Variants in SLX4 observed in about 807,000 individuals in gnomAD.
SLX4 encodes SLX4 structure-specific endonuclease subunit, also known as structure-specific endonuclease subunit SLX4.
In SLX4, 112 loss-of-function variants were observed where a neutral mutation model predicts 146.2. The observed-to-expected ratio is 0.77, with a 90% CI of 0.66 to 0.90. The LOEUF (loss-of-function observed/expected upper bound fraction) is 0.90, where lower values mean the gene tolerates loss of function less well. SLX4 is among the 40% of genes least tolerant of loss of function. The probability of loss-of-function intolerance (pLI) is 0.00; values close to 1 mark genes in which losing one functional copy is unlikely to be tolerated. For synonymous variants in SLX4, 1,061 were observed against 997.7 expected (o/e 1.06, Z -1.20); for missense variants, 2,563 against 2,392.7 (o/e 1.07, Z -1.49).
At chr16:3,595,097 C>T (rs2040635975) in intron 9 of SLX4, among the ~76,000 whole-genome samples, 1 of 152,178 alleles carries the variant, frequency 6.6e-6, no homozygotes, top group Non-Finnish European at 1.5e-5. Context: ...GGAGGAGGTC[C>T]ACTCTAGGGA....
intron 4 of SLX4, chr16:3,601,680 A>G (rs1214638255): frequency 1.9e-5 from 6 of 309,140 alleles, no homozygotes; most frequent in Non-Finnish European, 3.1e-5. Flanking sequence ...ATGCTACAAC[A>G]TGGATGAACC....
In SLX4 at chr16:3,582,043, A is replaced by C; in HGVS notation, c.*299T>G. 2.1e-6 allele frequency: 1 copy of C among 477,094 alleles called. No homozygotes were observed. The highest frequency in any genetic ancestry group is 2.6e-5 in the South Asian group (1 of 39,116). 29.6% of individuals were successfully genotyped at this position (477,094 alleles called of 1,614,324 possible). ...AGGTGACACAGCACGACTGTCTCAA[A>C]AAGAAAAAAAAAAAGAAAACCAAAA... On this transcript the variant is annotated 3_prime_UTR_variant, in exon 15 of 15. Transcript: ENST00000294008.
intron 2 of SLX4, among the ~76,000 whole-genome samples, chr16:3,607,626 A>C (rs1427902733): frequency 6.6e-6 from 1 of 152,170 alleles, no homozygotes; most frequent in African/African-American, 2.4e-5. Flanking sequence ...TCAAGGCTGC[A>C]GTAAGCTATG....
rs564242811 is a variant in SLX4, at chr16:3,597,120, C to G, written c.1683+259G>C. On this transcript the variant is annotated intron_variant, in intron 7 of 14. Transcript: ENST00000294008. This position sits in a 1 kb window ranked among gnomAD's most constrained non-coding sequence, Gnocchi z 4.4. ...ACGGGCGTGAGCCACTGCGCCCGGCCGGGACTCTGCATTTTCAACAAACTC... is the reference window on the plus strand; with the variant it reads ...ACGGGCGTGAGCCACTGCGCCCGGCGGGGACTCTGCATTTTCAACAAACTC... Among the ~76,000 whole-genome samples the G allele has an allele frequency of 2.0e-5, 3 of 152,148 alleles. No homozygotes were observed. The highest frequency in any genetic ancestry group is 2.9e-5 in the Non-Finnish European group (2 of 68,022).
In SLX4 at chr16:3,590,603, C is replaced by T. The variant is rs777705889; in HGVS notation, c.3035G>A (p.Arg1012Lys). Residue 1012 changes from arginine to lysine, a missense_variant, in exon 12 of 15, where the codon AGG (arginine) becomes AAG (lysine). Transcript: ENST00000294008. The surrounding 1 kb of genome is among the most constrained non-coding windows in gnomAD (Gnocchi z 4.8). ...SEPEEQSGAV[R>K]ERGLEVSHRL... is the part of the protein sequence containing the mutation. ...ATGAGAAACCTCCAGCCCCCTTTCC[C>T]TGACAGCGCCACTTTGTTCCTCGGG... The T allele has an allele frequency of 6.2e-7, 1 of 1,613,854 alleles. No individual in the cohort carries two copies. Among genetic ancestry groups the T allele is most frequent in the South Asian group, 1.1e-5 (1 of 91,088 alleles).
chr16:3,582,993 G>C, intron 14 of SLX4, 104 bp downstream of exon 14: 1 of 1,439,722 alleles, frequency 6.9e-7, no homozygotes, highest in East Asian at 2.3e-5. Flanking sequence ...GAAGGTGACG[G>C]GGGTTTTTGA....
chr16:3,589,065 G>A lies in SLX4; in HGVS notation c.4573C>T (p.Pro1525Ser), dbSNP rs1419464460. The change falls in exon 12 of 15, where the codon CCT becomes TCT. Residue 1525 changes from proline (P) to serine (S), a missense_variant. Coordinates refer to ENST00000294008, the MANE Select transcript of SLX4 (RefSeq NM_032444.4). The surrounding 1 kb of genome is among the most constrained non-coding windows in gnomAD (Gnocchi z 6.2). ...DGEEQRPPETPPPAQMPSAGG... is the reference protein window; with the variant it reads ...DGEEQRPPETSPPAQMPSAGG... ...GCGCTTGGCATCTGGGCCGGAGGAG[G>A]GGTCTCTGGAGGCCTCTGCTCTTCC... The A allele has an allele frequency of 6.2e-7, 1 of 1,614,146 alleles. No homozygotes were observed. The highest frequency in any genetic ancestry group is 2.2e-5 in the East Asian group (1 of 44,878).
intron 12 of SLX4, among the ~76,000 whole-genome samples, chr16:3,588,707 G>A (rs142616860): frequency 2.0e-5 from 3 of 152,256 alleles, no homozygotes; most frequent in South Asian, 4.1e-4. Flanking sequence ...TGGAGGTGCC[G>A]GCTCCGTGTT....
At chr16:3,601,814 G>A in intron 4 of SLX4, 1 of 398,990 alleles carries the variant, frequency 2.5e-6, no homozygotes, top group Non-Finnish European at 4.7e-6. Flanking sequence ...GGGGCAATAG[G>A]GAGTGGCTGC....
chr16:3,589,646 C>T lies in SLX4; in HGVS notation c.3992G>A (p.Gly1331Glu), dbSNP rs2151122322. ...GCCTTGCCTTCTGCCGTCAGAAGTT[C>T]CTGGAGAGACGGGAGTGAGGCATGA... ...PSSCLTPVSP[G>E]TSDGRRQGHR... Residue 1331 changes from glycine (G) to glutamate (E), a missense_variant, in exon 12 of 15, where the codon GGA becomes GAA. By Grantham distance (98) the Gly-to-Glu change is moderately conservative. Transcript: ENST00000294008. This position sits in a 1 kb window ranked among gnomAD's most constrained non-coding sequence, Gnocchi z 6.2. 1 of 1,613,992 alleles carries T rather than the reference C, an allele frequency of 6.2e-7. No homozygotes were observed.
At chr16:3,603,028 C>T (rs890684701) in intron 3 of SLX4, among the ~76,000 whole-genome samples, 14 of 152,292 alleles carry the variant, frequency 9.2e-5, no homozygotes, top group African/African-American at 3.1e-4. Flanking sequence ...CAAAACAGCA[C>T]ACCTTCATTT....
intron 8 of SLX4, 52 bp from the exon 9 acceptor site, chr16:3,595,745 C>T (rs773201103): frequency 1.3e-6 from 2 of 1,599,094 alleles, no homozygotes; most frequent in Non-Finnish European, 8.6e-7. Context: ...GCCACATCCA[C>T]CACCAAGAAG....
chr16:3,586,241 G>A (rs779625843), intron 12 of SLX4, among the ~76,000 whole-genome samples: 23 of 152,042 alleles, frequency 1.5e-4, no homozygotes, highest in Admixed American at 4.6e-4. Context: ...AAAACAACCC[G>A]TGTGTCCACT....
chr16:3,592,982 C>T (rs910781698), intron 10 of SLX4, 117 bp from the exon 11 acceptor site: 2 of 1,067,332 alleles, frequency 1.9e-6, no homozygotes, highest in African/African-American at 1.6e-5. Context: ...TTTTTAGAGA[C>T]AGTGTCTCCC....
At chr16:3,611,348 CCCT>C (rs1213035148) in intron 1 of SLX4, among the ~76,000 whole-genome samples, 1 of 152,276 alleles carries the variant, frequency 6.6e-6, no homozygotes, top group Non-Finnish European at 1.5e-5. Flanking sequence ...GGATCCGCCA[CCCT>C]CCTCCCTCCA....
In SLX4 at chr16:3,582,396, C is replaced by A. The variant is rs776165819; in HGVS notation, c.5451G>T (p.Lys1817Asn). The part of the protein sequence containing the change: ...TFTTAATRRE[K>N]LQGRRRQPRG... ...GAGGCTGCCGCCTCCTGCCCTGGAG[C>A]TTCTCCCTGCGGGTGGCGGCAGTGG... The change falls in exon 15 of 15, where the codon AAG (lysine) becomes AAT (asparagine). Residue 1817 changes from lysine to asparagine, a missense_variant. Coordinates refer to ENST00000294008, the MANE Select transcript of SLX4 (RefSeq NM_032444.4). 1.2e-6 allele frequency: 2 copies of A among 1,613,900 alleles called. No homozygotes were observed. The highest frequency in any genetic ancestry group is 1.7e-6 in the Non-Finnish European group (2 of 1,180,040).
rs2040567123 is a variant in SLX4 at position 3,590,207 on chromosome 16, T to C, written c.3431A>G (p.Lys1144Arg). Residue 1144 changes from lysine (K) to arginine (R), a missense_variant, in exon 12 of 15, where the codon AAA (lysine) becomes AGA (arginine). Physicochemically the swap from Lys to Arg is conservative, Grantham distance 26. Coordinates refer to ENST00000294008, the MANE Select transcript of SLX4 (RefSeq NM_032444.4). The surrounding 1 kb of genome is among the most constrained non-coding windows in gnomAD (Gnocchi z 4.8). ...GATGACCTCATCTTCTTCGTTCAGT[T>C]TGGATGAAGATTTCTGAGATCTGGA... is the stretch of plus-strand genomic sequence containing the variant. ...SSSRSQKSSSKLNEEDEVILL... is the reference protein window; with the variant it reads ...SSSRSQKSSSRLNEEDEVILL... The C allele has an allele frequency of 6.2e-7, 1 of 1,614,132 alleles. No individual in the cohort carries two copies. Among genetic ancestry groups the C allele is most frequent in the Non-Finnish European group, 8.5e-7 (1 of 1,180,014 alleles).
chr16:3,602,454 T>C lies in SLX4; in HGVS notation c.761-147A>G, dbSNP rs1837566222. On this transcript the variant is annotated intron_variant, in intron 3 of 14. Transcript: ENST00000294008. ...CAGCTCCACTCTGCAGGCTGGTGAC[T>C]TGGACACTGTCCAGTGAGACTGGGC... 4.4e-6 allele frequency: 4 copies of C among 899,782 alleles called. No homozygotes were observed. In the Admixed American group the frequency reaches 7.9e-5, roughly 18 times the overall value. 55.7% of individuals were successfully genotyped at this position (899,782 alleles called of 1,614,324 possible). A position where few individuals can be genotyped will look rare whatever the true frequency, so the allele number is the denominator to read the frequency against.
In SLX4 at chr16:3,590,042, G is replaced by C; in HGVS notation, c.3596C>G (p.Ala1199Gly). 2 of 1,614,110 alleles carry C rather than the reference G, an allele frequency of 1.2e-6. No homozygotes were observed. Among genetic ancestry groups the C allele is most frequent in the Non-Finnish European group, 1.7e-6 (2 of 1,180,036 alleles). ...TGGGCTCTGGGAAGGTTCCTGATCT[G>C]CATCAACATCAATGATGGAAAACAG... ...CELFSIIDVD[A>G]DQEPSQSPPR... Residue 1199 changes from alanine to glycine, a missense_variant, in exon 12 of 15, where the codon GCA (alanine) becomes GGA (glycine). Ala to Gly is a moderately conservative substitution (Grantham distance 60). Transcript: ENST00000294008. This position sits in a 1 kb window ranked among gnomAD's most constrained non-coding sequence, Gnocchi z 4.8.
Sources: allele counts gnomAD v4.1 joint callset (sites outside exome capture counted in the v4.1 genomes callset), GRCh38; gene constraint gnomAD v4.1.1; non-coding constraint Gnocchi (gnomAD v3.1); transcripts MANE v1.5; gene names NCBI Gene and HGNC (gene_info 2026-07-23, HGNC 2026-07-21).